Variants in NOS1 observed in about 807,000 individuals in gnomAD.
The protein encoded by NOS1 is NOS type I.
Under a neutral mutation model 164.5 loss-of-function variants are expected in NOS1, and 51 were observed. The ratio of observed to expected loss-of-function variants is 0.31; its 90% CI spans 0.25 to 0.39. The LOEUF is 0.39. NOS1 is among the 10% of genes least tolerant of loss of function. The pLI is 1.00. For missense variants in NOS1, 1,362 were observed against 1,885.6 expected, an observed-to-expected ratio of 0.72 and a Z score of 5.14; for synonymous variants, 719 against 745.8, an observed-to-expected ratio of 0.96 and a Z score of 0.59.
chr12:117,310,794 T>A (rs923828478), intron 3 of NOS1, among the ~76,000 whole-genome samples: 34 of 152,108 alleles, frequency 2.2e-4, no homozygotes, highest in Non-Finnish European at 5.9e-5. Flanking sequence ...TACAGGTATA[T>A]GCCATTATGC....
intron 17 of NOS1, among the ~76,000 whole-genome samples, chr12:117,250,621 G>A (rs1166751664): frequency 2.6e-5 from 4 of 152,134 alleles, no homozygotes; most frequent in Admixed American, 2.6e-4. Context: ...GAGCTGCCGT[G>A]CCCAGCCTGC....
intron 1 of NOS1, among the ~76,000 whole-genome samples, chr12:117,352,293 A>G (rs999627937): frequency 6.6e-6 from 1 of 152,198 alleles, no homozygotes; most frequent in South Asian, 2.1e-4. Flanking sequence ...CCTGGGGGAA[A>G]GCTTGCTATC....
chr12:117,278,809 ATTAAT>A (rs1239305725), intron 8 of NOS1, among the ~76,000 whole-genome samples: 1 of 149,540 alleles, frequency 6.7e-6, no homozygotes, highest in Non-Finnish European at 1.5e-5. Flanking sequence ...TGATATTAAT[ATTAAT>A]TTATTAATAG....
chr12:117,209,115 C>A lies in NOS1; in HGVS notation c.*6194G>T. On this transcript the variant is annotated 3_prime_UTR_variant, in exon 29 of 29. Transcript: ENST00000317775. ...TTTGGCAGCAGATAATGGAAACAAC[C>A]ACTGGGCTAGGCAAAGTTTCTGCTG... 1 of 985,392 alleles carries A rather than the reference C, an allele frequency of 1.0e-6. No homozygotes were observed. The highest frequency in any genetic ancestry group is 1.2e-6 in the Non-Finnish European group (1 of 829,950). The allele number at this position is 985,392 out of a possible 1,614,324, so 61.0% of individuals were successfully genotyped here.
chr12:117,306,241 C>A (rs1304971040), intron 3 of NOS1, among the ~76,000 whole-genome samples: 1 of 152,148 alleles, frequency 6.6e-6, no homozygotes, highest in African/African-American at 2.4e-5. Context: ...ACTTACTTCA[C>A]CTTGGAAGAT....
Position 117,209,741 on chromosome 12 carries a change from G to T in NOS1, c.*5568C>A. The T allele has an allele frequency of 2.0e-6, 2 of 985,518 alleles. No homozygotes were observed. Among genetic ancestry groups the T allele is most frequent in the South Asian group, 4.7e-5 (1 of 21,294 alleles). 61.0% of individuals were successfully genotyped at this position (985,518 alleles called of 1,614,324 possible). ...TTTCCACGGGTGAAAGTGTACCTGGGTCCTTACATTTGGGGAAGGGCAGCT... is the reference window on the plus strand; with the variant it reads ...TTTCCACGGGTGAAAGTGTACCTGGTTCCTTACATTTGGGGAAGGGCAGCT... On this transcript the variant is annotated 3_prime_UTR_variant, in exon 29 of 29. Coordinates refer to ENST00000317775, the MANE Select transcript of NOS1 (RefSeq NM_000620.5).
chr12:117,311,498 C>T lies in NOS1; in HGVS notation c.820G>A (p.Val274Ile), dbSNP rs1051778934. 24 of 1,611,572 alleles carry T rather than the reference C, an allele frequency of 1.5e-5. No individual in the cohort carries two copies. The highest frequency in any genetic ancestry group is 1.0e-4 in the Admixed American group (6 of 59,690). ...TTCTCTGAATATGGGTTGTTGAGGA[C>T]GACAGGCACATTGCCCTTCCCCCAT... is the stretch of plus-strand genomic sequence containing the variant. The part of the protein sequence containing the change: ...DLWGKGNVPV[V>I]LNNPYSEKEQ... Residue 274 changes from valine to isoleucine, a missense_variant, in exon 3 of 29, where the codon GTC (valine) becomes ATC (isoleucine). Transcript: ENST00000317775.
At chr12:117,287,495 G>C (rs1213131704) in intron 5 of NOS1, among the ~76,000 whole-genome samples, 1 of 152,012 alleles carries the variant, frequency 6.6e-6, no homozygotes, top group East Asian at 1.9e-4. Flanking sequence ...CTGGAGTGCA[G>C]TGGTGTGATC....
intron 11 of NOS1, 83 bp downstream of exon 11, chr12:117,267,960 C>A: frequency 1.0e-6 from 1 of 982,700 alleles, no homozygotes; most frequent in Non-Finnish European, 1.6e-6. Context: ...GCAGTGAGGT[C>A]TCTTGATCCT....
In NOS1 at chr12:117,220,198, G is replaced by T. The variant is rs9658533; in HGVS notation, c.4047C>A (p.Gly1349=). ...TGACGTCCCCACAGACGTATATGTG[G>T]CCCCCTTGCTCCTTCAGGGCTCGGT... ...SVYRALKEQG[G]HIYVCGDVTM... is the part of the protein sequence containing the mutation. Residue 1349 remains glycine (G), a synonymous_variant, in exon 27 of 29, where the codon GGC becomes GGA. Coordinates refer to ENST00000317775, the MANE Select transcript of NOS1 (RefSeq NM_000620.5). 1,170 of 1,613,796 alleles carry T rather than the reference G, an allele frequency of 7.2e-4. 3 individuals are homozygous for T. Among genetic ancestry groups the T allele is most frequent in the Non-Finnish European group, 9.3e-4 (1,101 of 1,179,986 alleles).
chr12:117,326,279 G>A (rs1033980373), intron 2 of NOS1, among the ~76,000 whole-genome samples: 1 of 151,954 alleles, frequency 6.6e-6, no homozygotes, highest in African/African-American at 2.4e-5. Context: ...CCAGCTACTC[G>A]GGAGGCTGAG....
In NOS1 at chr12:117,234,621, G is replaced by A. The variant is rs549571251; in HGVS notation, c.3179C>T (p.Pro1060Leu). The A allele has an allele frequency of 9.3e-6, 15 of 1,614,094 alleles. No homozygotes were observed. Among genetic ancestry groups the A allele is most frequent in the South Asian group, 4.4e-5 (4 of 91,056 alleles). The change falls in exon 21 of 29, where the codon CCG (proline) becomes CTG (leucine). Residue 1060 changes from proline (P) to leucine (L), a missense_variant. Physicochemically the swap from Pro to Leu is moderately conservative, Grantham distance 98. Coordinates refer to ENST00000317775, the MANE Select transcript of NOS1 (RefSeq NM_000620.5). The surrounding 1 kb of genome is among the most constrained non-coding windows in gnomAD (Gnocchi z 4.3). ...NALIERLEDA[P>L]PVNQMVKVEL... ...CACTTTCACCATCTGGTTGACAGGC[G>A]GCGCGTCCTCCAGCCGCTCGATCAG...
intron 8 of NOS1, among the ~76,000 whole-genome samples, chr12:117,279,425 C>G (rs930469243): frequency 2.0e-5 from 3 of 152,104 alleles, no homozygotes; most frequent in Middle Eastern, 3.4e-3. Context: ...ATTTCCCTCT[C>G]TTTTTTGGAC....
At chr12:117,247,639 C>T in intron 17 of NOS1, 117 bp from the exon 18 acceptor site, 3 of 863,110 alleles carry the variant, frequency 3.5e-6, no homozygotes, top group Non-Finnish European at 5.1e-6. Context: ...CTCTAATCTC[C>T]TCACAATTGT....
chr12:117,254,910 C>A (rs187342726), intron 16 of NOS1, among the ~76,000 whole-genome samples: 1 of 152,270 alleles, frequency 6.6e-6, no homozygotes, highest in East Asian at 1.9e-4. Flanking sequence ...AGGGCTCTAT[C>A]AAATTTCACA....
At chr12:117,219,347 C>T (rs1433251784) in intron 27 of NOS1, among the ~76,000 whole-genome samples, 1 of 151,660 alleles carries the variant, frequency 6.6e-6, no homozygotes, top group Admixed American at 6.6e-5. Flanking sequence ...ACTCTCGTCG[C>T]CCAGGCTGGA....
intron 1 of NOS1, among the ~76,000 whole-genome samples, chr12:117,336,448 G>A (rs756583749): frequency 6.6e-6 from 1 of 152,162 alleles, no homozygotes; most frequent in Non-Finnish European, 1.5e-5. Context: ...TATGGCAGCC[G>A]CTTGACACAC....
intron 1 of NOS1, among the ~76,000 whole-genome samples, chr12:117,334,795 C>T (rs531269216): frequency 1.6e-4 from 24 of 152,308 alleles, no homozygotes; most frequent in African/African-American, 5.1e-4. Context: ...TTGTCCTGAC[C>T]AACATCAGGT....
chr12:117,304,802 A>C (rs1228721737), intron 3 of NOS1, among the ~76,000 whole-genome samples: 1 of 152,210 alleles, frequency 6.6e-6, no homozygotes, highest in African/African-American at 2.4e-5. Context: ...TTAAAAGAAG[A>C]TGCCTCTAGG....
Sources: gnomAD v4.1 joint callset for allele counts (sites outside exome capture counted in the v4.1 genomes callset) on GRCh38, gnomAD v4.1.1 for gene constraint, Gnocchi (gnomAD v3.1) non-coding constraint, MANE v1.5 for transcripts, NCBI Gene and HGNC (gene_info 2026-07-23, HGNC 2026-07-21) for gene names.